The following MAP3K2 variants were observed in gnomAD, a reference collection of about 807,000 sequenced individuals.
The protein encoded by MAP3K2 is MAP/ERK kinase kinase 2.
Under a neutral mutation model 80.3 loss-of-function variants are expected in MAP3K2, and 24 were observed. That is an observed-to-expected ratio of 0.30 (90% CI 0.22 to 0.42). The LOEUF is 0.42. MAP3K2 is among the 10% of genes least tolerant of loss of function. MAP3K2 has a pLI of 1.00. For synonymous variants in MAP3K2, 244 were observed against 253.7 expected, an observed-to-expected ratio of 0.96 and a Z score of 0.36; for missense variants, 608 against 750.1, an observed-to-expected ratio of 0.81 and a Z score of 2.21.
intron 2 of MAP3K2, among the ~76,000 whole-genome samples, chr2:127,342,208 G>A (rs959972079): frequency 6.6e-6 from 1 of 152,182 alleles, no homozygotes; most frequent in African/African-American, 2.4e-5. Flanking sequence ...AGGCTGACTA[G>A]AGTGGAGAAT....
intron 1 of MAP3K2, among the ~76,000 whole-genome samples, chr2:127,376,325 G>C (rs1031824319): frequency 6.6e-6 from 1 of 151,350 alleles, no homozygotes; most frequent in African/African-American, 2.4e-5. Flanking sequence ...AGGGTGGGAA[G>C]GGGGGGAGCG....
chr2:127,356,206 G>A (rs1254750818), intron 1 of MAP3K2, among the ~76,000 whole-genome samples: 1 of 152,052 alleles, frequency 6.6e-6, no homozygotes, highest in Non-Finnish European at 1.5e-5. Context: ...CTCCTCCCAT[G>A]AATCACCAAT....
chr2:127,334,112 A>G (rs918636666), intron 5 of MAP3K2, among the ~76,000 whole-genome samples: 7 of 152,136 alleles, frequency 4.6e-5, no homozygotes, highest in Non-Finnish European at 1.0e-4. Context: ...ACAAAAAACA[A>G]AAACAAAAAC....
chr2:127,379,556 C>T (rs1296426204), intron 1 of MAP3K2, among the ~76,000 whole-genome samples: 8 of 152,180 alleles, frequency 5.3e-5, no homozygotes, highest in South Asian at 2.1e-4. Context: ...TAAGCACAGT[C>T]GGTTAACGTA....
intron 1 of MAP3K2, among the ~76,000 whole-genome samples, chr2:127,381,845 C>T (rs145619511): frequency 1.3e-5 from 2 of 151,538 alleles, no homozygotes; most frequent in Non-Finnish European, 2.9e-5. Flanking sequence ...TAAAACTAAT[C>T]GACCCTTTAA....
intron 14 of MAP3K2, among the ~76,000 whole-genome samples, chr2:127,316,592 A>G (rs1685909474): frequency 6.6e-6 from 1 of 152,248 alleles, no homozygotes; most frequent in Non-Finnish European, 1.5e-5. Flanking sequence ...GGCTATTCCT[A>G]TGTGCCACTG....
chr2:127,326,898 TATATC>T, intron 7 of MAP3K2, 81 bp from the exon 8 acceptor site: 2 of 795,448 alleles, frequency 2.5e-6, no homozygotes, highest in South Asian at 3.0e-5. Flanking sequence ...ATTTCTGAAT[TATATC>T]ATTAATAATT....
chr2:127,352,595 T>C (rs1039900285), intron 1 of MAP3K2, among the ~76,000 whole-genome samples: 8 of 152,160 alleles, frequency 5.3e-5, no homozygotes, highest in Admixed American at 1.3e-4. Flanking sequence ...TTCCAAATTA[T>C]ATAAAACTAG....
At chr2:127,344,414 C>G (rs1686557574) in intron 1 of MAP3K2, among the ~76,000 whole-genome samples, 1 of 150,594 alleles carries the variant, frequency 6.6e-6, no homozygotes, top group African/African-American at 2.4e-5. Context: ...TTTGGGGGGG[C>G]CAAGGTGGGA....
At position 127,301,287 on chromosome 2, in the gene MAP3K2, T is replaced by A. The variant is rs1685588226; in HGVS notation, c.*6292A>T. On this transcript the variant is annotated 3_prime_UTR_variant, in exon 17 of 17. Coordinates refer to ENST00000682094, the MANE Select transcript of MAP3K2 (RefSeq NM_001371910.2). The stretch of plus-strand genomic sequence containing the variant: ...CTAGGAAGAAAGTTCGCCATCAACC[T>A]GAGGCATCAGACGTTAATGTCTGTC... The A allele has an allele frequency of 6.6e-6, 1 of 152,222 alleles. No homozygotes were observed. The highest frequency in any genetic ancestry group is 1.9e-4 in the East Asian group (1 of 5,200). The allele number at this position is 152,222 out of a possible 1,614,324, so 9.4% of individuals were successfully genotyped here.
At position 127,322,613 on chromosome 2, in the gene MAP3K2, G is replaced by T. The variant is rs1686048136; in HGVS notation, c.839-361C>A. Reference sequence around the variant, plus strand: ...AGTAATTTTTTTCTTTTCTTTTTGAGATGGAGTTTCACTCTTGTTGCCCAG... The same window carrying T: ...AGTAATTTTTTTCTTTTCTTTTTGATATGGAGTTTCACTCTTGTTGCCCAG... On this transcript the variant is annotated intron_variant, in intron 11 of 16. Coordinates refer to ENST00000682094, the MANE Select transcript of MAP3K2 (RefSeq NM_001371910.2). The surrounding 1 kb of genome is among the most constrained non-coding windows in gnomAD (Gnocchi z 4.2). Among the ~76,000 whole-genome samples, 1 of 152,042 alleles carries T rather than the reference G, an allele frequency of 6.6e-6. No homozygotes were observed. The highest frequency in any genetic ancestry group is 1.5e-5 in the Non-Finnish European group (1 of 67,998).
chr2:127,386,497 A>G (rs1253930805), intron 1 of MAP3K2, among the ~76,000 whole-genome samples: 1 of 152,246 alleles, frequency 6.6e-6, no homozygotes, highest in East Asian at 1.9e-4. Flanking sequence ...ATCTCAAGCA[A>G]ATAACCCAAC....
intron 1 of MAP3K2, among the ~76,000 whole-genome samples, chr2:127,351,070 C>A (rs1686683992): frequency 6.6e-6 from 1 of 152,080 alleles, no homozygotes; most frequent in East Asian, 1.9e-4. Flanking sequence ...CTGTCGAAAT[C>A]ATGAAAGTCA....
At chr2:127,372,794 T>C (rs1467227348) in intron 1 of MAP3K2, among the ~76,000 whole-genome samples, 1 of 152,186 alleles carries the variant, frequency 6.6e-6, no homozygotes, top group Non-Finnish European at 1.5e-5. Flanking sequence ...AGCCCGTGAA[T>C]TAGTTGAGGG....
intron 11 of MAP3K2, among the ~76,000 whole-genome samples, chr2:127,323,668 G>A (rs1164083749): frequency 6.6e-6 from 1 of 152,162 alleles, no homozygotes; most frequent in African/African-American, 2.4e-5. Context: ...ACTCCCGCCT[G>A]GGCAACAAAA....
chr2:127,331,886 G>A (rs958116338), intron 5 of MAP3K2, among the ~76,000 whole-genome samples: 6 of 152,200 alleles, frequency 3.9e-5, no homozygotes, highest in South Asian at 2.1e-4. Context: ...GATTACAGGC[G>A]TGAGCCACCA....
rs528622480 is a variant in MAP3K2, at chr2:127,326,665, A to T, written c.597+22T>A. The T allele has an allele frequency of 2.7e-5, 41 of 1,518,670 alleles. No individual in the cohort carries two copies. In the South Asian group the frequency reaches 3.6e-4, roughly 13 times the overall value. The allele number at this position is 1,518,670 out of a possible 1,614,324, so 94.1% of individuals were successfully genotyped here. A position where few individuals can be genotyped will look rare whatever the true frequency, so the allele number is the denominator to read the frequency against. On this transcript the variant is annotated intron_variant, in intron 8 of 16. Transcript: ENST00000682094. ...GACAACATCTCTTTAAATTAAATTTAAAAAATCAAACTTTTGCTTACTTGG... is the reference window on the plus strand; with the variant it reads ...GACAACATCTCTTTAAATTAAATTTTAAAAATCAAACTTTTGCTTACTTGG...
intron 1 of MAP3K2, among the ~76,000 whole-genome samples, chr2:127,362,017 T>C (rs1412593160): frequency 2.0e-5 from 3 of 152,232 alleles, no homozygotes; most frequent in Non-Finnish European, 4.4e-5. Context: ...AAAGGCAATA[T>C]TCAACTCTAA....
chr2:127,302,272 C>T lies in MAP3K2; in HGVS notation c.*5307G>A, dbSNP rs1685608025. On this transcript the variant is annotated 3_prime_UTR_variant, in exon 17 of 17. Coordinates refer to ENST00000682094, the MANE Select transcript of MAP3K2 (RefSeq NM_001371910.2). ...CAATATTATTATACAATCATTTGTA[C>T]TAGCTACTTCTGGAAAATGTACTGG... is the stretch of plus-strand genomic sequence containing the variant. 2.0e-5 allele frequency: 3 copies of T among 152,154 alleles called. No homozygotes were observed. Among genetic ancestry groups the T allele is most frequent in the African/African-American group, 4.8e-5 (2 of 41,436 alleles). The allele number at this position is 152,154 out of a possible 1,614,324, so 9.4% of individuals were successfully genotyped here. A position where few individuals can be genotyped will look rare whatever the true frequency, so the allele number is the denominator to read the frequency against.
Sources: gnomAD v4.1 joint callset for allele counts (sites outside exome capture counted in the v4.1 genomes callset) on GRCh38, gnomAD v4.1.1 for gene constraint, Gnocchi (gnomAD v3.1) non-coding constraint, MANE v1.5 for transcripts, NCBI Gene and HGNC (gene_info 2026-07-23, HGNC 2026-07-21) for gene names.